The following PRORP variants were observed in gnomAD, a reference collection of about 807,000 sequenced individuals.
PRORP encodes the protein protein only RNase P catalytic subunit.
In PRORP, 51 loss-of-function variants were observed where a neutral mutation model predicts 59.4. The ratio of observed to expected loss-of-function variants is 0.86; its 90% CI spans 0.69 to 1.08. The LOEUF (loss-of-function observed/expected upper bound fraction) is 1.08, where lower values mean the gene tolerates loss of function less well. Among genes scored for constraint, PRORP ranks in the 50% least tolerant of loss-of-function variants. PRORP has a pLI of 0.00. For missense variants in PRORP, 646 were observed against 690.3 expected, an observed-to-expected ratio of 0.94 and a Z score of 0.72; for synonymous variants, 231 against 245.6, an observed-to-expected ratio of 0.94 and a Z score of 0.55.
At position 35,180,346 on chromosome 14, in the gene PRORP, T is replaced by TATCATAAA. The variant is rs1363095424; in HGVS notation, c.1168-317_1168-316insAATCATAA. Among the ~76,000 whole-genome samples, 6 of 152,324 alleles carry TATCATAAA rather than the reference T, an allele frequency of 3.9e-5. No individual in the cohort carries two copies. The South Asian group carries it at 1.0e-3, about 26-fold the overall frequency. On this transcript the variant is annotated intron_variant, in intron 4 of 7. Coordinates refer to ENST00000534898, the MANE Select transcript of PRORP (RefSeq NM_014672.4). The stretch of plus-strand genomic sequence containing the variant: ...CATCTTGGAACCGCCAGTTCATTCT[T>TATCATAAA]ATCATAACTATCATGTGGGTTAATT...
chr14:35,213,738 G>T (rs986973691), intron 5 of PRORP, among the ~76,000 whole-genome samples: 8 of 152,144 alleles, frequency 5.3e-5, no homozygotes, highest in African/African-American at 1.9e-4. Flanking sequence ...AACATTTATC[G>T]ATTAGATTCT....
intron 5 of PRORP, among the ~76,000 whole-genome samples, chr14:35,258,999 A>G (rs2050829590): frequency 1.3e-5 from 2 of 152,152 alleles, no homozygotes; most frequent in Admixed American, 1.3e-4. Flanking sequence ...GAGTTCTTCT[A>G]TATGCTTGCT....
At chr14:35,177,960 G>T (rs2139025576) in intron 4 of PRORP, among the ~76,000 whole-genome samples, 1 of 152,250 alleles carries the variant, frequency 6.6e-6, no homozygotes, top group South Asian at 2.1e-4. Flanking sequence ...GTTCTCATTG[G>T]TTTCAAAGAA....
intron 4 of PRORP, among the ~76,000 whole-genome samples, chr14:35,166,557 C>A (rs1325655148): frequency 6.7e-6 from 1 of 150,064 alleles, no homozygotes; most frequent in Admixed American, 6.7e-5. Context: ...TCAAGCGATT[C>A]TCCTGCCTCA....
intron 5 of PRORP, among the ~76,000 whole-genome samples, chr14:35,234,771 C>T (rs1239991407): frequency 6.6e-6 from 1 of 150,576 alleles, no homozygotes; most frequent in Non-Finnish European, 1.5e-5. Context: ...CTCTGAACTC[C>T]TGGGCTCAAG....
intron 5 of PRORP, among the ~76,000 whole-genome samples, chr14:35,239,108 G>A (rs2050293001): frequency 6.6e-6 from 1 of 151,988 alleles, no homozygotes; most frequent in African/African-American, 2.4e-5. Flanking sequence ...TATAATCCTA[G>A]CACTTTAGGA....
intron 5 of PRORP, among the ~76,000 whole-genome samples, chr14:35,217,014 A>T (rs184904869): frequency 7.2e-5 from 11 of 152,280 alleles, no homozygotes; most frequent in Admixed American, 2.0e-4. Context: ...TTATTATTGA[A>T]TTGTAAGAGT....
At chr14:35,235,688 A>G (rs562771455) in intron 5 of PRORP, 1 of 353,462 alleles carries the variant, frequency 2.8e-6, no homozygotes, top group East Asian at 6.9e-5. Flanking sequence ...TCTGTAGACC[A>G]AGCAAAAGTT....
chr14:35,235,657 A>G (rs2050191935), intron 5 of PRORP: 1 of 418,796 alleles, frequency 2.4e-6, no homozygotes, highest in Non-Finnish European at 4.6e-6. Flanking sequence ...TCTCTTGGGA[A>G]GCTAATATTT....
chr14:35,228,600 C>T (rs931543128), intron 5 of PRORP, among the ~76,000 whole-genome samples: 1 of 152,212 alleles, frequency 6.6e-6, no homozygotes, highest in African/African-American at 2.4e-5. Flanking sequence ...GGATAATCGC[C>T]TCCGGCTGCA....
At chr14:35,155,786 C>T (rs1280849093) in intron 4 of PRORP, among the ~76,000 whole-genome samples, 1 of 151,640 alleles carries the variant, frequency 6.6e-6, no homozygotes, top group Non-Finnish European at 1.5e-5. Flanking sequence ...TCAGAAATAC[C>T]ACTATAGAGA....
At chr14:35,265,030 C>T (rs2051007393) in intron 5 of PRORP, among the ~76,000 whole-genome samples, 1 of 151,956 alleles carries the variant, frequency 6.6e-6, no homozygotes, top group Non-Finnish European at 1.5e-5. Context: ...AAAATTCAGC[C>T]CTCGATAATT....
intron 5 of PRORP, among the ~76,000 whole-genome samples, chr14:35,181,783 C>CAAAA (rs71121270): frequency 9.1e-6 from 1 of 109,396 alleles, no homozygotes; most frequent in East Asian, 2.4e-4. Flanking sequence ...AAAACTGTCT[C>CAAAA]AAAAAAAAAA....
chr14:35,267,738 G>A (rs537530172), intron 6 of PRORP, among the ~76,000 whole-genome samples: 9 of 151,956 alleles, frequency 5.9e-5, no homozygotes, highest in South Asian at 2.1e-4. Context: ...CCGAGATCGC[G>A]CCACTGCACT....
chr14:35,166,448 C>CTTT (rs55916577), intron 4 of PRORP, among the ~76,000 whole-genome samples: 2 of 96,076 alleles, frequency 2.1e-5, no homozygotes, highest in African/African-American at 3.9e-5. Flanking sequence ...TTATCTGAAT[C>CTTT]TTTTTTTTTT....
intron 4 of PRORP, among the ~76,000 whole-genome samples, chr14:35,145,709 A>T (rs2047588281): frequency 7.9e-6 from 1 of 126,284 alleles, no homozygotes; most frequent in East Asian, 3.3e-4. Flanking sequence ...ACAGAGCGAG[A>T]CTCCATCTCA....
chr14:35,175,460 T>C (rs1366109782), intron 4 of PRORP, among the ~76,000 whole-genome samples: 1 of 152,138 alleles, frequency 6.6e-6, no homozygotes, highest in Non-Finnish European at 1.5e-5. Context: ...TGGTATCTCA[T>C]TGTGGTTTTG....
chr14:35,152,425 C>A (rs557185006), intron 4 of PRORP, among the ~76,000 whole-genome samples: 1 of 152,228 alleles, frequency 6.6e-6, no homozygotes, highest in Non-Finnish European at 1.5e-5. Context: ...CATCATGGCC[C>A]GTTCTCAATG....
At chr14:35,162,088 A>G (rs10146133) in intron 4 of PRORP, among the ~76,000 whole-genome samples, 1,795 of 152,048 alleles carry the variant, frequency 0.012, 36 homozygotes, top group African/African-American at 0.041. Flanking sequence ...TTCTAGCTGT[A>G]TGGAATGACC....
Sources: allele counts gnomAD v4.1 joint callset (sites outside exome capture counted in the v4.1 genomes callset), GRCh38; gene constraint gnomAD v4.1.1; transcripts MANE v1.5; gene names NCBI Gene and HGNC (gene_info 2026-07-23, HGNC 2026-07-21).